ST14: variants seen among roughly 807,000 people sequenced by gnomAD.
ST14 encodes the protein suppressor of tumorigenicity 14 protein.
ST14 carries 40 observed loss-of-function variants against 96.5 expected under a neutral mutation model. That is an observed-to-expected ratio of 0.41 (90% CI 0.32 to 0.54). The LOEUF is 0.54. Ranked by LOEUF, ST14 falls within the 20% of genes least tolerant of loss-of-function variation. The pLI is 0.17. For synonymous variants in ST14, 506 were observed against 492.1 expected, an observed-to-expected ratio of 1.03 and a Z score of -0.37; for missense variants, 1,066 against 1,188.9, an observed-to-expected ratio of 0.90 and a Z score of 1.52.
chr11:130,189,665 C>T, intron 4 of ST14, 74 bp from the exon 5 acceptor site: 1 of 1,589,596 alleles, frequency 6.3e-7, no homozygotes. Flanking sequence ...GCCCATGTGT[C>T]CTGGAGTCGC....
At chr11:130,179,884 C>T (rs914047386) in intron 1 of ST14, among the ~76,000 whole-genome samples, 9 of 152,192 alleles carry the variant, frequency 5.9e-5, no homozygotes, top group African/African-American at 1.7e-4. Flanking sequence ...GGAGCGGCCA[C>T]GAGGTTGTGC....
chr11:130,189,401 G>T (rs79195457), intron 4 of ST14: 18 of 472,398 alleles, frequency 3.8e-5, no homozygotes, highest in Non-Finnish European at 6.9e-5. Context: ...GGCATTCCCA[G>T]TTCCTTTCTC....
intron 1 of ST14, among the ~76,000 whole-genome samples, chr11:130,178,673 G>A (rs1953163614): frequency 6.6e-6 from 1 of 152,228 alleles, no homozygotes; most frequent in Non-Finnish European, 1.5e-5. Flanking sequence ...GGAGTTCTTG[G>A]CCGTGGGTCA....
chr11:130,180,604 A>T (rs1442990235), intron 1 of ST14, among the ~76,000 whole-genome samples: 1 of 152,132 alleles, frequency 6.6e-6, no homozygotes, highest in Non-Finnish European at 1.5e-5. Context: ...TGGGCCCTGG[A>T]GAGTTTGCAC....
chr11:130,164,090 G>A (rs1279923399), intron 1 of ST14, among the ~76,000 whole-genome samples: 2 of 152,304 alleles, frequency 1.3e-5, no homozygotes, highest in South Asian at 2.1e-4. Flanking sequence ...TGCCAAGGCT[G>A]GTGGCTCATG....
chr11:130,179,868 C>T (rs1220905697), intron 1 of ST14, among the ~76,000 whole-genome samples: 5 of 152,184 alleles, frequency 3.3e-5, no homozygotes, highest in African/African-American at 7.2e-5. Flanking sequence ...TTAGCCAGTC[C>T]GGCAGGGAGC....
intron 1 of ST14, among the ~76,000 whole-genome samples, chr11:130,182,453 G>A (rs554527920): frequency 1.3e-5 from 2 of 151,712 alleles, no homozygotes; most frequent in African/African-American, 4.8e-5. Flanking sequence ...CTCCCGAGTA[G>A]CCAGGACTAC....
chr11:130,193,040 A>G (rs1340042585), intron 7 of ST14, among the ~76,000 whole-genome samples: 1 of 152,036 alleles, frequency 6.6e-6, no homozygotes, highest in Non-Finnish European at 1.5e-5. Flanking sequence ...TATCTACTTC[A>G]TAGAGCTGTT....
intron 16 of ST14, among the ~76,000 whole-genome samples, chr11:130,202,106 T>C (rs1429920897): frequency 6.6e-6 from 1 of 152,194 alleles, no homozygotes; most frequent in Admixed American, 6.5e-5. Context: ...CATGGTGTCA[T>C]GTCCAGGCCC....
At chr11:130,196,741 C>T (rs1953370206) in intron 11 of ST14, 41 bp downstream of exon 11, 3 of 1,613,974 alleles carry the variant, frequency 1.9e-6, no homozygotes, top group Non-Finnish European at 2.5e-6. Context: ...CGGGGGCCTG[C>T]ACCGCATGTT....
At chr11:130,186,474 C>T (rs2136210943) in intron 1 of ST14, among the ~76,000 whole-genome samples, 1 of 152,108 alleles carries the variant, frequency 6.6e-6, no homozygotes, top group Non-Finnish European at 1.5e-5. Context: ...TCAGGAAGAA[C>T]ATGAAATAAG....
At chr11:130,183,395 G>T (rs1482764325) in intron 1 of ST14, among the ~76,000 whole-genome samples, 2 of 152,204 alleles carry the variant, frequency 1.3e-5, no homozygotes, top group African/African-American at 4.8e-5. Flanking sequence ...GAAAGGCGAA[G>T]TTCCAAAGAT....
At chr11:130,167,439 T>A (rs1246822191) in intron 1 of ST14, among the ~76,000 whole-genome samples, 1 of 152,226 alleles carries the variant, frequency 6.6e-6, no homozygotes, top group Admixed American at 6.5e-5. Flanking sequence ...TTGTTTATAT[T>A]CTCCCACAAG....
chr11:130,162,054 G>A (rs1953002575), intron 1 of ST14, among the ~76,000 whole-genome samples: 2 of 152,198 alleles, frequency 1.3e-5, no homozygotes. Context: ...GCCGGGAGGT[G>A]TGGCTGCTGC....
intron 1 of ST14, among the ~76,000 whole-genome samples, chr11:130,162,959 G>A (rs2136200011): frequency 6.6e-6 from 1 of 152,278 alleles, no homozygotes; most frequent in South Asian, 2.1e-4. Context: ...CTAAGCCTTG[G>A]TTTCTGTGGC....
Position 130,187,852 on chromosome 11 carries a change from C to T in ST14, c.82-262C>T, listed in dbSNP as rs922365054. The stretch of plus-strand genomic sequence containing the variant: ...AAATGAACAATTCGTAAGCAATGAT[C>T]GCCTGGTGCTGTCCAGACCCTGAGA... On this transcript the variant is annotated intron_variant, in intron 1 of 18. Transcript: ENST00000278742. This position sits in a 1 kb window ranked among gnomAD's most constrained non-coding sequence, Gnocchi z 4.5. Among the ~76,000 whole-genome samples the T allele has an allele frequency of 6.6e-6, 1 of 152,170 alleles. No homozygotes were observed. The highest frequency in any genetic ancestry group is 2.4e-5 in the African/African-American group (1 of 41,446).
chr11:130,200,415 G>C (rs1953416053), intron 16 of ST14, among the ~76,000 whole-genome samples: 1 of 152,178 alleles, frequency 6.6e-6, no homozygotes, highest in Non-Finnish European at 1.5e-5. Flanking sequence ...AAGGTGAAGG[G>C]GGAGAAGGCA....
At chr11:130,183,391 C>T (rs1953211847) in intron 1 of ST14, among the ~76,000 whole-genome samples, 1 of 152,272 alleles carries the variant, frequency 6.6e-6, no homozygotes, top group East Asian at 1.9e-4. Flanking sequence ...GCCTGAAAGG[C>T]GAAGTTCCAA....
intron 1 of ST14, among the ~76,000 whole-genome samples, chr11:130,167,302 T>A (rs1181691457): frequency 1.3e-5 from 2 of 152,202 alleles, no homozygotes; most frequent in Non-Finnish European, 2.9e-5. Flanking sequence ...TCTAAAAAAA[T>A]TTTTTTCCTC....
Sources: gnomAD v4.1 joint callset for allele counts (sites outside exome capture counted in the v4.1 genomes callset) on GRCh38, gnomAD v4.1.1 for gene constraint, Gnocchi (gnomAD v3.1) non-coding constraint, MANE v1.5 for transcripts, NCBI Gene and HGNC (gene_info 2026-07-23, HGNC 2026-07-21) for gene names.